Variants in ANKS1B observed in about 807,000 individuals in gnomAD.
ANKS1B encodes the protein ankyrin repeat and sterile alpha motif domain containing 1B, also known as ankyrin repeat and sterile alpha motif domain-containing protein 1B.
Under a neutral mutation model 148.3 loss-of-function variants are expected in ANKS1B, and 36 were observed. The ratio of observed to expected loss-of-function variants is 0.24; its 90% CI spans 0.19 to 0.32. The LOEUF is 0.32. ANKS1B is among the 10% of genes least tolerant of loss of function. The probability of loss-of-function intolerance (pLI) is 1.00; values close to 1 mark genes in which losing one functional copy is unlikely to be tolerated. For synonymous variants in ANKS1B, 542 were observed against 560.8 expected, an observed-to-expected ratio of 0.97 and a Z score of 0.47; for missense variants, 1,157 against 1,542.6, an observed-to-expected ratio of 0.75 and a Z score of 4.19.
chr12:99,658,873 T>C (rs530662447), intron 8 of ANKS1B, among the ~76,000 whole-genome samples: 1 of 152,354 alleles, frequency 6.6e-6, no homozygotes, highest in Non-Finnish European at 1.5e-5. Flanking sequence ...GTGGCTTATT[T>C]ACCCTTGTGA....
chr12:99,825,957 T>TTTGATTTTG (rs2083131446), intron 1 of ANKS1B, among the ~76,000 whole-genome samples: 1 of 152,220 alleles, frequency 6.6e-6, no homozygotes, highest in Non-Finnish European at 1.5e-5. Flanking sequence ...AATTTTGCAG[T>TTTGATTTTG]CATCATTGAT....
chr12:99,592,856 A>ATACAT lies in ANKS1B; in HGVS notation c.1272+62206_1272+62210dup, dbSNP rs1454399088. Among the ~76,000 whole-genome samples, 20 of 152,118 alleles carry ATACAT rather than the reference A, an allele frequency of 1.3e-4. 1 individual carries two copies. The highest frequency in any genetic ancestry group is 4.8e-4 in the African/African-American group (20 of 41,424). Reference sequence around the variant, plus strand: ...CACATCAGTCACATACCTGAAAGATATACATTGGTTCAGCCCAAAAAGGTG... The same window carrying ATACAT: ...CACATCAGTCACATACCTGAAAGATATACATTACATTGGTTCAGCCCAAAAAGGTG... On this transcript the variant is annotated intron_variant, in intron 9 of 26. Transcript: ENST00000683438.
At chr12:98,995,752 A>C (rs2099929171) in intron 17 of ANKS1B, among the ~76,000 whole-genome samples, 1 of 152,218 alleles carries the variant, frequency 6.6e-6, no homozygotes, top group Non-Finnish European at 1.5e-5. Context: ...TAGTTGCCCC[A>C]CTTTATAATC....
chr12:99,453,380 G>A (rs947077550), intron 10 of ANKS1B, among the ~76,000 whole-genome samples: 1 of 152,184 alleles, frequency 6.6e-6, no homozygotes. Context: ...TCCGTCTTGT[G>A]TGTGTCCTCC....
rs555187322 is a variant in ANKS1B at position 98,745,029 on chromosome 12, A to G, written c.*710T>C. The G allele has an allele frequency of 4.4e-5, 43 of 985,144 alleles. No individual in the cohort carries two copies. The highest frequency in any genetic ancestry group is 5.1e-5 in the Non-Finnish European group (42 of 829,364). 61.0% of individuals were successfully genotyped at this position (985,144 alleles called of 1,614,324 possible). A position where few individuals can be genotyped will look rare whatever the true frequency, so the allele number is the denominator to read the frequency against. ...TTTCTTATCAATGCATTAATGAAAC[A>G]TTCTTTTAATAAAAATATTTAATAC... On this transcript the variant is annotated 3_prime_UTR_variant, in exon 27 of 27. Transcript: ENST00000683438.
intron 9 of ANKS1B, among the ~76,000 whole-genome samples, chr12:99,524,467 C>T (rs1346664477): frequency 6.6e-6 from 1 of 152,106 alleles, no homozygotes; most frequent in Admixed American, 6.5e-5. Context: ...AGGTGGCCCA[C>T]TATACTCAGA....
chr12:98,917,960 T>A (rs2099796620), intron 17 of ANKS1B, among the ~76,000 whole-genome samples: 1 of 152,236 alleles, frequency 6.6e-6, no homozygotes, highest in Non-Finnish European at 1.5e-5. Flanking sequence ...ATTAAATAAA[T>A]CATGGCCCCT....
At chr12:99,671,131 G>A (rs1013746735) in intron 8 of ANKS1B, among the ~76,000 whole-genome samples, 1 of 152,124 alleles carries the variant, frequency 6.6e-6, no homozygotes, top group African/African-American at 2.4e-5. Flanking sequence ...GAGATTGCAT[G>A]AAGTATATCT....
chr12:99,294,714 C>T (rs552568108), intron 12 of ANKS1B, among the ~76,000 whole-genome samples: 2 of 151,906 alleles, frequency 1.3e-5, no homozygotes, highest in East Asian at 1.9e-4. Context: ...AGTGCAATGG[C>T]GCGATCTTGG....
intron 17 of ANKS1B, among the ~76,000 whole-genome samples, chr12:98,882,792 GAATGATCATAA>G (rs1401683400): frequency 6.6e-6 from 1 of 151,678 alleles, no homozygotes; most frequent in Non-Finnish European, 1.5e-5. Flanking sequence ...TAGGTAAAGA[GAATGATCATAA>G]AACTCCACAT....
intron 17 of ANKS1B, among the ~76,000 whole-genome samples, chr12:98,988,506 G>A (rs566365084): frequency 2.2e-4 from 33 of 152,138 alleles, no homozygotes; most frequent in African/African-American, 7.2e-4. Context: ...ATTCATCCAT[G>A]ATGAACACTT....
At chr12:99,666,469 A>T (rs1455308534) in intron 8 of ANKS1B, among the ~76,000 whole-genome samples, 2 of 152,114 alleles carry the variant, frequency 1.3e-5, no homozygotes, top group South Asian at 4.1e-4. Context: ...TTCCATCAAC[A>T]ATATTTTTAT....
At chr12:99,204,325 G>A (rs867997316) in intron 14 of ANKS1B, among the ~76,000 whole-genome samples, 2 of 152,160 alleles carry the variant, frequency 1.3e-5, no homozygotes, top group Admixed American at 6.5e-5. Context: ...ACACAAAACC[G>A]TTCTCTTGCT....
rs1212824632 is a variant in ANKS1B at position 99,124,440 on chromosome 12, G to GTGTGTA, written c.2526+29848_2526+29849insTACACA. Among the ~76,000 whole-genome samples the GTGTGTA allele has an allele frequency of 6.8e-4, 103 of 152,266 alleles. 3 individuals are homozygous for GTGTGTA. The East Asian group carries it at 0.019, about 29-fold the overall frequency. ...TGCATGTGTGTGTGTGTGTGTATGT[G>GTGTGTA]TGTAAGGCAGAATGGAGTTGTGGAT... On this transcript the variant is annotated intron_variant, in intron 15 of 26. Coordinates refer to ENST00000683438, the MANE Select transcript of ANKS1B (RefSeq NM_001352186.2).
intron 12 of ANKS1B, chr12:99,343,803 T>G (rs2090278243): frequency 6.6e-6 from 1 of 152,062 alleles, no homozygotes; most frequent in Admixed American, 6.6e-5. Context: ...CTTTTACCCT[T>G]ATGCTCCAAT....
chr12:98,894,955 G>C (rs957357486), intron 17 of ANKS1B: 3 of 846,122 alleles, frequency 3.5e-6, no homozygotes, highest in Non-Finnish European at 4.2e-6. Flanking sequence ...CCTCGCACCC[G>C]CCCGGCTCCA....
intron 1 of ANKS1B, among the ~76,000 whole-genome samples, chr12:99,832,299 G>C (rs1405716634): frequency 6.6e-6 from 1 of 152,106 alleles, no homozygotes; most frequent in African/African-American, 2.4e-5. Context: ...TAGTATAAAA[G>C]AGAAAGGGTC....
intron 9 of ANKS1B, among the ~76,000 whole-genome samples, chr12:99,572,252 T>C (rs1490301725): frequency 1.3e-5 from 2 of 152,164 alleles, no homozygotes; most frequent in African/African-American, 4.8e-5. Context: ...ATTGGATTAA[T>C]ACCATCTTGA....
At chr12:98,800,217 G>GAAAA (rs770133422) in intron 21 of ANKS1B, among the ~76,000 whole-genome samples, 2 of 39,176 alleles carry the variant, frequency 5.1e-5, no homozygotes, top group African/African-American at 8.4e-5. Flanking sequence ...AGCAGAAAAT[G>GAAAA]AAAAAAAAAA....
Sources: allele counts gnomAD v4.1 joint callset (sites outside exome capture counted in the v4.1 genomes callset), GRCh38; gene constraint gnomAD v4.1.1; transcripts MANE v1.5; gene names NCBI Gene and HGNC (gene_info 2026-07-23, HGNC 2026-07-21).